The following TNK2 variants were observed in gnomAD, a reference collection of about 807,000 sequenced individuals.
TNK2 encodes the protein activated CDC42 kinase 1.
In TNK2, 83 loss-of-function variants were observed where a neutral mutation model predicts 101.8. That is an observed-to-expected ratio of 0.82 (90% CI 0.68 to 0.98). TNK2 has a LOEUF of 0.98. Among genes scored for constraint, TNK2 ranks in the 50% least tolerant of loss-of-function variants. The probability of loss-of-function intolerance (pLI) is 0.00; values close to 1 mark genes in which losing one functional copy is unlikely to be tolerated. For missense variants in TNK2, 1,665 were observed against 1,483.2 expected (o/e 1.12, Z -2.01); for synonymous variants, 804 against 633.0 (o/e 1.27, Z -4.06).
chr3:195,884,973 G>T lies in TNK2; in HGVS notation c.295C>A (p.Arg99=), dbSNP rs3747673. 1 of 1,613,606 alleles carries T rather than the reference G, an allele frequency of 6.2e-7. No homozygotes were observed. The highest frequency in any genetic ancestry group is 2.2e-5 in the East Asian group (1 of 44,852). ...CCCCCAGGGGCGGGCGAGGTCTTCCGGAAGGTGCTCTGAGAGTGATGAGGT... is the reference window on the plus strand; with the variant it reads ...CCCCCAGGGGCGGGCGAGGTCTTCCTGAAGGTGCTCTGAGAGTGATGAGGT... The part of the protein sequence containing the change: ...FPPHHSQSTF[R]KTSPAPGGPA... The change falls in exon 4 of 16, where the codon CGG becomes AGG. Residue 99 remains arginine (R), a synonymous_variant. Coordinates refer to ENST00000672887, the MANE Select transcript of TNK2 (RefSeq NM_001382273.1).
At chr3:195,865,818 C>T (rs1210773767) in intron 15 of TNK2, among the ~76,000 whole-genome samples, 2 of 152,214 alleles carry the variant, frequency 1.3e-5, no homozygotes, top group Admixed American at 6.5e-5. Context: ...TGCATCCTGG[C>T]GCCAGGCGTG....
Position 195,882,097 on chromosome 3 carries a change from C to T in TNK2, c.841G>A (p.Asp281Asn), listed in dbSNP as rs1186147763. The part of the protein sequence containing the change: ...FGLMRALPQN[D>N]DHYVMQEHRK... ...TGTTCCTGCATGACGTAATGGTCGTCATTCTGAGGTAGTGCTCGCATCAGC... is the reference window on the plus strand; with the variant it reads ...TGTTCCTGCATGACGTAATGGTCGTTATTCTGAGGTAGTGCTCGCATCAGC... Residue 281 changes from aspartate (D) to asparagine (N), a missense_variant, in exon 6 of 16, where the codon GAC (aspartate) becomes AAC (asparagine). Asp to Asn is a conservative substitution (Grantham distance 23). This residue lies in a region of TNK2 where 490 missense variants were observed against 522.5 expected (regional missense o/e 0.94). Coordinates refer to ENST00000672887, the MANE Select transcript of TNK2 (RefSeq NM_001382273.1). This position sits in a 1 kb window ranked among gnomAD's most constrained non-coding sequence, Gnocchi z 4.2. 6 of 1,613,434 alleles carry T rather than the reference C, an allele frequency of 3.7e-6. No individual in the cohort carries two copies. Among genetic ancestry groups the T allele is most frequent in the Non-Finnish European group, 5.1e-6 (6 of 1,179,832 alleles).
chr3:195,899,761 C>T (rs1209695963), intron 1 of TNK2, among the ~76,000 whole-genome samples: 2 of 152,352 alleles, frequency 1.3e-5, no homozygotes, highest in Admixed American at 1.3e-4. Flanking sequence ...GTCTGTACAT[C>T]GTAAGGGAAC....
intron 1 of TNK2, among the ~76,000 whole-genome samples, chr3:195,901,731 C>T (rs1171768893): frequency 6.6e-6 from 1 of 152,176 alleles, no homozygotes; most frequent in Non-Finnish European, 1.5e-5. Context: ...TGCCTTACTA[C>T]CCCAGATTAT....
chr3:195,879,949 G>T (rs1751460049), intron 6 of TNK2, among the ~76,000 whole-genome samples: 1 of 152,176 alleles, frequency 6.6e-6, no homozygotes, highest in Admixed American at 6.5e-5. Flanking sequence ...AAAAGAGGCT[G>T]CTCTAAATTA....
chr3:195,881,622 C>A (rs1465040429), intron 6 of TNK2, among the ~76,000 whole-genome samples: 6 of 70,264 alleles, frequency 8.5e-5, no homozygotes, highest in Non-Finnish European at 1.2e-4. Flanking sequence ...GACACAGCAT[C>A]TATCCTTGTA....
chr3:195,892,143 C>T (rs1469291594), intron 1 of TNK2: 2 of 580,244 alleles, frequency 3.4e-6, no homozygotes, highest in Non-Finnish European at 5.3e-6. Context: ...TTCAAACACT[C>T]TCCAATTCTG....
At chr3:195,891,590 G>A (rs763043795) in intron 1 of TNK2, among the ~76,000 whole-genome samples, 3 of 152,132 alleles carry the variant, frequency 2.0e-5, no homozygotes, top group African/African-American at 4.8e-5. Flanking sequence ...TAGGAGTCAC[G>A]GGCCTAGGCA....
At chr3:195,869,439 G>A (rs1339000535) in intron 12 of TNK2, 58 bp downstream of exon 12, 1 of 1,514,356 alleles carries the variant, frequency 6.6e-7, no homozygotes, top group Non-Finnish European at 9.0e-7. Context: ...TTCCAGGAGA[G>A]GAGTGAGAGA....
chr3:195,895,498 C>A, intron 1 of TNK2: 1 of 1,355,842 alleles, frequency 7.4e-7, no homozygotes, highest in South Asian at 1.8e-5. Context: ...TGGTCGCGCC[C>A]CTCCTCCTGC....
intron 12 of TNK2, chr3:195,869,041 G>C: frequency 2.2e-6 from 1 of 455,136 alleles, no homozygotes; most frequent in Non-Finnish European, 3.9e-6. Context: ...GCGCCCTGGC[G>C]AGTTAGTGAG....
At chr3:195,902,348 G>A (rs971948222) in intron 1 of TNK2, among the ~76,000 whole-genome samples, 1 of 152,040 alleles carries the variant, frequency 6.6e-6, no homozygotes, top group Non-Finnish European at 1.5e-5. Flanking sequence ...CCGGGCGCGG[G>A]GGCTCACGCC....
chr3:195,867,538 G>C lies in TNK2; in HGVS notation c.2760C>G (p.Pro920=). 2 of 1,527,318 alleles carry C rather than the reference G, an allele frequency of 1.3e-6. No individual in the cohort carries two copies. The highest frequency in any genetic ancestry group is 1.7e-6 in the Non-Finnish European group (2 of 1,144,364). 94.6% of individuals were successfully genotyped at this position (1,527,318 alleles called of 1,614,324 possible). ...GGGGCATCGGCCGCACGGTGGCCGT[G>C]GGGGCGGCGGGGGCTGGGGTGCTGG... ...PPPSTPAPAA[P]TATVRPMPQA... The change falls in exon 13 of 16, where the codon CCC becomes CCG. Residue 920 remains proline (P), a synonymous_variant. Transcript: ENST00000672887.
intron 15 of TNK2, among the ~76,000 whole-genome samples, chr3:195,866,253 T>C (rs1740782617): frequency 6.6e-6 from 1 of 151,992 alleles, no homozygotes; most frequent in South Asian, 2.1e-4. Context: ...CAGGATGGAG[T>C]GCAGTGGTGC....
intron 15 of TNK2, among the ~76,000 whole-genome samples, chr3:195,865,256 C>G (rs1446586573): frequency 7.3e-6 from 1 of 137,130 alleles, no homozygotes; most frequent in Non-Finnish European, 1.6e-5. Context: ...CAGTGACAGA[C>G]AGGTGACAGC....
intron 1 of TNK2, chr3:195,895,337 A>AGCAGCGCCCGCAGCGCCC (rs549265715): frequency 6.4e-7 from 1 of 1,567,822 alleles, no homozygotes; most frequent in Admixed American, 1.8e-5. Flanking sequence ...CAGGGAGAGA[A>AGCAGCGCCCGCAGCGCCC]GCAGCGCCCG....
intron 4 of TNK2, 110 bp from the exon 5 acceptor site, chr3:195,883,419 T>G: frequency 3.8e-6 from 5 of 1,332,900 alleles, no homozygotes; most frequent in Admixed American, 2.0e-5. Flanking sequence ...TGTGAGCTCC[T>G]CATCTGGGTG....
chr3:195,897,773 A>T (rs1760768498), intron 1 of TNK2, among the ~76,000 whole-genome samples: 1 of 150,574 alleles, frequency 6.6e-6, no homozygotes, highest in Non-Finnish European at 1.5e-5. Flanking sequence ...AAGTGCTGGG[A>T]TTACAGGCAT....
intron 12 of TNK2, 97 bp downstream of exon 12, chr3:195,869,400 C>A: frequency 3.9e-6 from 5 of 1,296,894 alleles, no homozygotes; most frequent in South Asian, 1.3e-5. Context: ...CCCACCTCCC[C>A]TCCGGCCCAG....
Sources: allele counts gnomAD v4.1 joint callset (sites outside exome capture counted in the v4.1 genomes callset), GRCh38; gene constraint gnomAD v4.1.1; regional missense constraint gnomAD v4.1.1; non-coding constraint Gnocchi (gnomAD v3.1); transcripts MANE v1.5; gene names NCBI Gene and HGNC (gene_info 2026-07-23, HGNC 2026-07-21).